The following CASS4 variants were observed in gnomAD, a reference collection of about 807,000 sequenced individuals.
CASS4 encodes cas scaffolding protein family member 4.
CASS4 carries 22 observed loss-of-function variants against 54.2 expected under a neutral mutation model. The ratio of observed to expected loss-of-function variants is 0.41; its 90% CI spans 0.29 to 0.58. CASS4 has a LOEUF of 0.58. Ranked by LOEUF, CASS4 falls within the 20% of genes least tolerant of loss-of-function variation. The pLI is 0.36. For synonymous variants in CASS4, 409 were observed against 391.5 expected (o/e 1.04, Z -0.53); for missense variants, 854 against 986.7 (o/e 0.87, Z 1.80).
In CASS4 at chr20:56,458,511, G is replaced by C; in HGVS notation, c.2125G>C (p.Val709Leu). The C allele has an allele frequency of 6.2e-7, 1 of 1,614,212 alleles. No homozygotes were observed. Among genetic ancestry groups the C allele is most frequent in the Non-Finnish European group, 8.5e-7 (1 of 1,180,054 alleles). Residue 709 changes from valine (V) to leucine (L), a missense_variant, in exon 6 of 6, where the codon GTC becomes CTC. Val to Leu is a conservative substitution (Grantham distance 32). Coordinates refer to ENST00000679887, the MANE Select transcript of CASS4 (RefSeq NM_020356.4). ...GGAGATCATCACTCAGAGCAAGCTG[G>C]TCATCATGGTGGGACAGAAGCTGGT... The part of the protein sequence containing the change: ...PAEIITQSKL[V>L]IMVGQKLVDT...
In CASS4 at chr20:56,414,380, A is replaced by G. The variant is rs1979029554; in HGVS notation, c.36+1886A>G. 6.6e-6 allele frequency among the ~76,000 whole-genome samples: 1 copy of G among 151,950 alleles called. No individual in the cohort carries two copies. Among genetic ancestry groups the G allele is most frequent in the Non-Finnish European group, 1.5e-5 (1 of 67,996 alleles). ...TTTTTTATGATTTAGACTTCTTTTT[A>G]TGTACTGCTTATTCTGCCTAAATAA... On this transcript the variant is annotated intron_variant, in intron 1 of 5. Coordinates refer to ENST00000679887, the MANE Select transcript of CASS4 (RefSeq NM_020356.4). This position sits in a 1 kb window ranked among gnomAD's most constrained non-coding sequence, Gnocchi z 4.1.
At chr20:56,429,041 G>A (rs934341305) in intron 1 of CASS4, among the ~76,000 whole-genome samples, 8 of 152,172 alleles carry the variant, frequency 5.3e-5, no homozygotes, top group Non-Finnish European at 8.8e-5. Flanking sequence ...GCGAGTGCAC[G>A]TGGGTGCAGT....
In CASS4 at chr20:56,443,327, G is replaced by A. The variant is rs192048887; in HGVS notation, c.460-2573G>A. On this transcript the variant is annotated intron_variant, in intron 2 of 5. Transcript: ENST00000679887. ...TACTAAAAATACAAAAAAGTAGCGG[G>A]GTGTGGTGGCGGGCACCTGTAATCC... Among the ~76,000 whole-genome samples the A allele has an allele frequency of 5.9e-5, 9 of 151,442 alleles. No homozygotes were observed. The East Asian group carries it at 7.8e-4, about 13-fold the overall frequency.
At chr20:56,457,067 C>A (rs1316676600) in intron 5 of CASS4, among the ~76,000 whole-genome samples, 1 of 152,170 alleles carries the variant, frequency 6.6e-6, no homozygotes, top group Non-Finnish European at 1.5e-5. Context: ...ATGACAAAGA[C>A]AATCATTGTT....
At chr20:56,419,678 A>G (rs1343421913) in intron 1 of CASS4, among the ~76,000 whole-genome samples, 1 of 151,718 alleles carries the variant, frequency 6.6e-6, no homozygotes, top group Non-Finnish European at 1.5e-5. Flanking sequence ...TGATTGGCCC[A>G]CCTCAGCTTC....
intron 1 of CASS4, among the ~76,000 whole-genome samples, chr20:56,425,346 C>T (rs1979589842): frequency 6.6e-6 from 1 of 152,220 alleles, no homozygotes; most frequent in African/African-American, 2.4e-5. Context: ...ATTCGTTGCC[C>T]TCTCTGTGTG....
chr20:56,412,609 G>A lies in CASS4; in HGVS notation c.36+115G>A. ...AATAAAGGTTGAATACCAGTGACGT[G>A]TGAGTTGGAGATGGGAAAGTTTAAC... On this transcript the variant is annotated intron_variant, in intron 1 of 5. Coordinates refer to ENST00000679887, the MANE Select transcript of CASS4 (RefSeq NM_020356.4). This position sits in a 1 kb window ranked among gnomAD's most constrained non-coding sequence, Gnocchi z 4.2. 1 of 1,054,578 alleles carries A rather than the reference G, an allele frequency of 9.5e-7. No homozygotes were observed. The highest frequency in any genetic ancestry group is 1.4e-6 in the Non-Finnish European group (1 of 711,316). The allele number at this position is 1,054,578 out of a possible 1,614,324, so 65.3% of individuals were successfully genotyped here. A position where few individuals can be genotyped will look rare whatever the true frequency, so the allele number is the denominator to read the frequency against.
chr20:56,414,414 G>A lies in CASS4; in HGVS notation c.36+1920G>A, dbSNP rs1402169177. 6.6e-6 allele frequency among the ~76,000 whole-genome samples: 1 copy of A among 151,588 alleles called. No individual in the cohort carries two copies. The highest frequency in any genetic ancestry group is 1.5e-5 in the Non-Finnish European group (1 of 67,962). ...TTATTCTGCCTAAATAATTTATGTA[G>A]CGCTTTACAATTGGGTGGGGTTTTG... On this transcript the variant is annotated intron_variant, in intron 1 of 5. Transcript: ENST00000679887. The surrounding 1 kb of genome is among the most constrained non-coding windows in gnomAD (Gnocchi z 4.1).
chr20:56,455,837 A>G (rs781757632), intron 5 of CASS4, among the ~76,000 whole-genome samples: 3 of 152,168 alleles, frequency 2.0e-5, no homozygotes, highest in Admixed American at 2.0e-4. Context: ...AGGCTGAGGC[A>G]GGAGAATTGC....
chr20:56,437,526 C>T lies in CASS4; in HGVS notation c.399C>T (p.Phe133=). ...CCCCTACTGCCCAAGTCTATGAATTCCCCGACCCTCCCACCAGTGCCAGAA... is the reference window on the plus strand; with the variant it reads ...CCCCTACTGCCCAAGTCTATGAATTTCCCGACCCTCCCACCAGTGCCAGAA... ...PQPPTAQVYE[F]PDPPTSARII... Residue 133 remains phenylalanine, a synonymous_variant, in exon 2 of 6, where the codon TTC becomes TTT. Transcript: ENST00000679887. This position sits in a 1 kb window ranked among gnomAD's most constrained non-coding sequence, Gnocchi z 4.7. 1 of 1,578,766 alleles carries T rather than the reference C, an allele frequency of 6.3e-7. No individual in the cohort carries two copies. Among genetic ancestry groups the T allele is most frequent in the Non-Finnish European group, 8.6e-7 (1 of 1,163,100 alleles).
rs144494485 is a variant in CASS4, at chr20:56,452,194, G to C, written c.1018G>C (p.Val340Leu). The stretch of plus-strand genomic sequence containing the variant: ...TCCTTCAAGCTTTCTGATTCCCCGA[G>C]TGGAACAGCAGAACACCAAGCCCAA... ...KVPSSFLIPR[V>L]EQQNTKPNIY... is the part of the protein sequence containing the mutation. The change falls in exon 5 of 6, where the codon GTG becomes CTG. Residue 340 changes from valine to leucine, a missense_variant. Transcript: ENST00000679887. The C allele has an allele frequency of 1.2e-4, 192 of 1,614,166 alleles. 1 individual carries two copies. The African/African-American group carries it at 1.7e-3, about 14-fold the overall frequency.
chr20:56,443,568 A>C (rs1245752001), intron 2 of CASS4, among the ~76,000 whole-genome samples: 1 of 151,990 alleles, frequency 6.6e-6, no homozygotes. Flanking sequence ...TCAGGAACAA[A>C]GTCAGGTTTA....
chr20:56,437,022 G>A lies in CASS4; in HGVS notation c.37-142G>A, dbSNP rs148497019. 8.5e-4 allele frequency: 633 copies of A among 743,678 alleles called. 4 individuals carry two copies. The East Asian group carries it at 0.017, about 20-fold the overall frequency. 46.1% of individuals were successfully genotyped at this position (743,678 alleles called of 1,614,324 possible). On this transcript the variant is annotated intron_variant, in intron 1 of 5. Transcript: ENST00000679887. This position sits in a 1 kb window ranked among gnomAD's most constrained non-coding sequence, Gnocchi z 4.7. The stretch of plus-strand genomic sequence containing the variant: ...TGTGAAGGAACAAATCAAAGAGCAG[G>A]GACAAGAGCCTCTGGGGTGGAAGAA...
chr20:56,430,487 A>T lies in CASS4; in HGVS notation c.37-6677A>T, dbSNP rs1600753652. 6.6e-6 allele frequency among the ~76,000 whole-genome samples: 1 copy of T among 152,310 alleles called. No individual in the cohort carries two copies. The highest frequency in any genetic ancestry group is 6.5e-5 in the Admixed American group (1 of 15,298). ...CTTCACCTCTGAAATTTCTACACAA[A>T]TATTTCCAAATTAACACTCTATTTA... On this transcript the variant is annotated intron_variant, in intron 1 of 5. Coordinates refer to ENST00000679887, the MANE Select transcript of CASS4 (RefSeq NM_020356.4). The surrounding 1 kb of genome is among the most constrained non-coding windows in gnomAD (Gnocchi z 4.2).
At chr20:56,416,320 G>A (rs865996953) in intron 1 of CASS4, among the ~76,000 whole-genome samples, 1 of 152,332 alleles carries the variant, frequency 6.6e-6, no homozygotes, top group African/African-American at 2.4e-5. Context: ...AAAGTGCTGG[G>A]ATTACAGGCG....
Position 56,412,715 on chromosome 20 carries a change from G to A in CASS4, c.36+221G>A, listed in dbSNP as rs1200494666. 6.6e-6 allele frequency among the ~76,000 whole-genome samples: 1 copy of A among 152,214 alleles called. No individual in the cohort carries two copies. The highest frequency in any genetic ancestry group is 6.5e-5 in the Admixed American group (1 of 15,276). On this transcript the variant is annotated intron_variant, in intron 1 of 5. Coordinates refer to ENST00000679887, the MANE Select transcript of CASS4 (RefSeq NM_020356.4). The surrounding 1 kb of genome is among the most constrained non-coding windows in gnomAD (Gnocchi z 4.2). ...CAAGATGGGTGAAAATGACTTTGTA[G>A]TAGAAATCAGCTTACTTGGTTGACA...
In CASS4 at chr20:56,452,007, C is replaced by T; in HGVS notation, c.831C>T (p.Ser277=). 6.2e-7 allele frequency: 1 copy of T among 1,614,232 alleles called. No homozygotes were observed. Among genetic ancestry groups the T allele is most frequent in the Non-Finnish European group, 8.5e-7 (1 of 1,180,048 alleles). Residue 277 remains serine, a synonymous_variant, in exon 5 of 6, where the codon TCC becomes TCT. Transcript: ENST00000679887. ...SRPHALPSSS[S]TFYNPPSGRS... ...CCCACGCTCTCCCCAGTTCCAGCTC[C>T]ACTTTCTACAATCCTCCAAGTGGCA...
chr20:56,421,344 G>A (rs578069694), intron 1 of CASS4, among the ~76,000 whole-genome samples: 1 of 152,296 alleles, frequency 6.6e-6, no homozygotes, highest in South Asian at 2.1e-4. Flanking sequence ...CTAAAAAATT[G>A]TAGTGGCACG....
In CASS4 at chr20:56,412,502, A is replaced by T; in HGVS notation, c.36+8A>T. 1 of 1,611,680 alleles carries T rather than the reference A, an allele frequency of 6.2e-7. No homozygotes were observed. Among genetic ancestry groups the T allele is most frequent in the South Asian group, 1.1e-5 (1 of 90,448 alleles). ...ATGGACTGTGCGCCCAAGGTGAGTG[A>T]TGTGGGGCTGTTTGAATGGGCTCTG... On this transcript the variant is annotated splice_region_variant and intron_variant, in intron 1 of 5. Coordinates refer to ENST00000679887, the MANE Select transcript of CASS4 (RefSeq NM_020356.4). This position sits in a 1 kb window ranked among gnomAD's most constrained non-coding sequence, Gnocchi z 4.2.
Sources: gnomAD v4.1 joint callset for allele counts (sites outside exome capture counted in the v4.1 genomes callset) on GRCh38, gnomAD v4.1.1 for gene constraint, Gnocchi (gnomAD v3.1) non-coding constraint, MANE v1.5 for transcripts, NCBI Gene and HGNC (gene_info 2026-07-23, HGNC 2026-07-21) for gene names.